RTL4: variants seen among roughly 807,000 people sequenced by gnomAD.
RTL4 encodes retrotransposon Gag-like protein 4.
RTL4 carries 4 observed loss-of-function variants against 5.3 expected under a neutral mutation model. That is an observed-to-expected ratio of 0.75 (90% confidence interval 0.37 to 1.72). RTL4 has a LOEUF of 1.72. Among genes scored for constraint, RTL4 ranks in the 40% most tolerant of loss-of-function variants. The pLI is 0.04. For synonymous variants in RTL4, 98 were observed against 87.3 expected (o/e 1.12, Z -0.68); for missense variants, 260 against 227.1 (o/e 1.14, Z -0.93).
the RTL4 span, among the ~76,000 whole-genome samples, chrX:112,124,168 C>G: frequency 9.0e-6 from 1 of 111,714 alleles, no homozygotes; most frequent in African/African-American, 3.3e-5. Context: ...AGTCAAGAAA[C>G]AATAGATGCT....
the RTL4 span, among the ~76,000 whole-genome samples, chrX:112,429,254 T>C: frequency 1.8e-5 from 2 of 111,561 alleles, no homozygotes; most frequent in African/African-American, 6.5e-5. Context: ...TCAGCCTTTT[T>C]TTGGTTTTAA....
the RTL4 span, among the ~76,000 whole-genome samples, chrX:112,140,175 C>T: frequency 9.0e-6 from 1 of 111,632 alleles, no homozygotes; most frequent in South Asian, 3.7e-4. Context: ...TTTTGACATG[C>T]CCCATGTTTT....
the RTL4 span, among the ~76,000 whole-genome samples, chrX:112,302,907 A>G: frequency 8.9e-6 from 1 of 112,466 alleles, no homozygotes; most frequent in African/African-American, 3.2e-5. Context: ...AAACTTCACT[A>G]TTCTAATCAG....
the RTL4 span, among the ~76,000 whole-genome samples, chrX:112,402,093 C>G: frequency 8.9e-6 from 1 of 112,019 alleles, no homozygotes; most frequent in African/African-American, 3.2e-5. Context: ...CAAGAACCAA[C>G]TCAAGCCTCT....
chrX:112,290,047 T>C, the RTL4 span, among the ~76,000 whole-genome samples: 1 of 111,205 alleles, frequency 9.0e-6, no homozygotes, highest in Admixed American at 9.6e-5. Flanking sequence ...GCAGACAACA[T>C]GAAGTAGCCA....
the RTL4 span, among the ~76,000 whole-genome samples, chrX:112,420,834 T>G: frequency 2.7e-5 from 3 of 111,897 alleles, no homozygotes; most frequent in Admixed American, 9.5e-5. Context: ...ACAGAACTGT[T>G]CACCAGCCCC....
the RTL4 span, among the ~76,000 whole-genome samples, chrX:112,422,546 G>T: frequency 9.0e-6 from 1 of 110,556 alleles, no homozygotes; most frequent in Non-Finnish European, 1.9e-5. Flanking sequence ...TTGTTGCTCT[G>T]GTCGTCTCTG....
chrX:112,357,036 T>C, the RTL4 span, among the ~76,000 whole-genome samples: 3 of 111,516 alleles, frequency 2.7e-5, no homozygotes, highest in African/African-American at 9.8e-5. Context: ...CAGTTCAAAC[T>C]AGTTTAATCA....
chrX:112,308,633 G>A, the RTL4 span, among the ~76,000 whole-genome samples: 1 of 111,491 alleles, frequency 9.0e-6, no homozygotes, highest in African/African-American at 3.3e-5. Flanking sequence ...TAGGATTATG[G>A]TGAAACTCTC....
At chrX:112,370,406 C>A in the RTL4 span, among the ~76,000 whole-genome samples, 1 of 111,620 alleles carries the variant, frequency 9.0e-6, no homozygotes, top group Non-Finnish European at 1.9e-5. Flanking sequence ...GATATTTAAA[C>A]CTCAAGAGGT....
At chrX:112,282,506 TTG>T in the RTL4 span, among the ~76,000 whole-genome samples, 1 of 111,984 alleles carries the variant, frequency 8.9e-6, no homozygotes, top group African/African-American at 3.2e-5. Flanking sequence ...AATTTTAGGA[TTG>T]TGTTTTCTAT....
chrX:112,256,881 T>C, the RTL4 span, among the ~76,000 whole-genome samples: 1 of 111,952 alleles, frequency 8.9e-6, no homozygotes, highest in African/African-American at 3.2e-5. Flanking sequence ...CAGCAATCTT[T>C]TAGTTATAAA....
the RTL4 span, among the ~76,000 whole-genome samples, chrX:112,101,045 T>C: frequency 5.6e-4 from 63 of 112,168 alleles, no homozygotes; most frequent in Admixed American, 1.6e-3. Flanking sequence ...TACATATATC[T>C]ATAACTACAT....
At chrX:112,181,092 C>T in the RTL4 span, among the ~76,000 whole-genome samples, 1 of 111,824 alleles carries the variant, frequency 8.9e-6, no homozygotes, top group Admixed American at 9.4e-5. Context: ...GGAACTCCCT[C>T]CCCTAGCCAA....
the RTL4 span, among the ~76,000 whole-genome samples, chrX:112,263,876 C>A: frequency 1.8e-5 from 2 of 111,123 alleles, no homozygotes; most frequent in Non-Finnish European, 3.8e-5. Flanking sequence ...ATGATGTGTA[C>A]CTTGAATTCG....
the RTL4 span, among the ~76,000 whole-genome samples, chrX:112,427,673 C>A: frequency 2.7e-5 from 3 of 110,560 alleles, no homozygotes; most frequent in African/African-American, 9.8e-5. Flanking sequence ...TTCTTCTTTT[C>A]TAATATATGC....
the RTL4 span, among the ~76,000 whole-genome samples, chrX:112,112,688 A>G: frequency 8.9e-6 from 1 of 111,826 alleles, no homozygotes; most frequent in Non-Finnish European, 1.9e-5. Flanking sequence ...AATCATTCAC[A>G]TACTGAAGGA....
chrX:112,429,942 C>CT, the RTL4 span, among the ~76,000 whole-genome samples: 9 of 110,958 alleles, frequency 8.1e-5, no homozygotes, highest in South Asian at 1.1e-3. Context: ...ATAGATAAGA[C>CT]TTTTTTTATC....
chrX:112,381,952 T>C, the RTL4 span: 2,695 of 1,206,653 alleles, frequency 2.2e-3, 46 homozygotes, highest in African/African-American at 0.041. Context: ...CAAAGCGGTT[T>C]ATTTTTGAAT....
Sources: allele counts gnomAD v4.1 joint callset (sites outside exome capture counted in the v4.1 genomes callset), GRCh38; gene constraint gnomAD v4.1.1; transcripts MANE v1.5; gene names NCBI Gene and HGNC (gene_info 2026-07-23, HGNC 2026-07-21).